Variants in CRTAC1 observed in about 807,000 individuals in gnomAD.
CRTAC1 encodes the protein cartilage acidic protein 1.
In CRTAC1, 37 loss-of-function variants were observed where a neutral mutation model predicts 67.8. The observed-to-expected ratio is 0.55, with a 90% CI of 0.42 to 0.72. The LOEUF is 0.72. Ranked by LOEUF, CRTAC1 falls within the 30% of genes least tolerant of loss-of-function variation. The probability of loss-of-function intolerance (pLI) is 0.00; values close to 1 mark genes in which losing one functional copy is unlikely to be tolerated. For synonymous variants in CRTAC1, 348 were observed against 371.0 expected, an observed-to-expected ratio of 0.94 and a Z score of 0.71; for missense variants, 780 against 931.6, an observed-to-expected ratio of 0.84 and a Z score of 2.12.
At chr10:97,968,333 C>A (rs1418153802) in intron 2 of CRTAC1, among the ~76,000 whole-genome samples, 1 of 152,182 alleles carries the variant, frequency 6.6e-6, no homozygotes, top group Non-Finnish European at 1.5e-5. Flanking sequence ...ACCTCCACCT[C>A]CCAGGTTCAA....
intron 5 of CRTAC1, among the ~76,000 whole-genome samples, chr10:97,915,916 T>A (rs1296178506): frequency 1.3e-5 from 2 of 152,116 alleles, no homozygotes; most frequent in Non-Finnish European, 2.9e-5. Flanking sequence ...GAACTGCCCG[T>A]CCTTCCAGCC....
intron 2 of CRTAC1, among the ~76,000 whole-genome samples, chr10:98,010,899 C>G (rs1313943484): frequency 1.3e-5 from 2 of 152,178 alleles, no homozygotes; most frequent in African/African-American, 4.8e-5. Context: ...GCCTGTGGAT[C>G]AAACACCCTT....
At chr10:97,870,391 AAGAC>A (rs370845926) in intron 14 of CRTAC1, 4 of 152,246 alleles carry the variant, frequency 2.6e-5, no homozygotes, top group East Asian at 1.9e-4. Flanking sequence ...ATGAAACTGA[AAGAC>A]AGGCCAAACT....
At chr10:97,977,390 C>T (rs2051824566) in intron 2 of CRTAC1, among the ~76,000 whole-genome samples, 1 of 152,208 alleles carries the variant, frequency 6.6e-6, no homozygotes, top group Admixed American at 6.5e-5. Flanking sequence ...AATTGCATCT[C>T]AGCGGGTTCT....
chr10:97,891,904 C>T (rs1250801882), intron 11 of CRTAC1, among the ~76,000 whole-genome samples: 1 of 152,248 alleles, frequency 6.6e-6, no homozygotes, highest in Non-Finnish European at 1.5e-5. Flanking sequence ...CCTCGTGACC[C>T]AAGGGCCCTG....
At chr10:97,876,530 C>G (rs1277159512) in intron 14 of CRTAC1, among the ~76,000 whole-genome samples, 1 of 152,126 alleles carries the variant, frequency 6.6e-6, no homozygotes, top group Non-Finnish European at 1.5e-5. Flanking sequence ...CCCACCTTCC[C>G]ACTGGAGTGA....
chr10:97,981,391 C>G (rs1358606463), intron 2 of CRTAC1, among the ~76,000 whole-genome samples: 3 of 152,154 alleles, frequency 2.0e-5, no homozygotes. Flanking sequence ...TCTGCTGTAT[C>G]AAGTTTTATA....
chr10:97,996,423 G>T (rs1842571110), intron 2 of CRTAC1, among the ~76,000 whole-genome samples: 1 of 151,882 alleles, frequency 6.6e-6, no homozygotes, highest in Non-Finnish European at 1.5e-5. Flanking sequence ...AGTGGGCAAA[G>T]GACGTGAACA....
At chr10:97,944,854 T>C (rs995550245) in intron 2 of CRTAC1, among the ~76,000 whole-genome samples, 6 of 152,168 alleles carry the variant, frequency 3.9e-5, no homozygotes, top group Non-Finnish European at 7.3e-5. Flanking sequence ...GGAGAGGCCA[T>C]GTGAAAGAGC....
intron 11 of CRTAC1, chr10:97,884,625 G>A (rs370047954): frequency 2.5e-6 from 1 of 401,124 alleles, no homozygotes; most frequent in African/African-American, 2.0e-5. Flanking sequence ...AGCACTTGAA[G>A]TGGGACTCAC....
intron 2 of CRTAC1, among the ~76,000 whole-genome samples, chr10:97,995,340 C>T (rs889291815): frequency 1.3e-5 from 2 of 152,156 alleles, no homozygotes; most frequent in Non-Finnish European, 2.9e-5. Flanking sequence ...CTGTCTTATA[C>T]CCAAGACTTC....
chr10:97,915,365 C>T (rs556082564), intron 5 of CRTAC1, among the ~76,000 whole-genome samples: 2 of 152,346 alleles, frequency 1.3e-5, no homozygotes, highest in Non-Finnish European at 2.9e-5. Flanking sequence ...GGATCTCCGT[C>T]TGTTCTTTGT....
chr10:97,878,434 C>T lies in CRTAC1; in HGVS notation c.1819+1815G>A, dbSNP rs878858307. Reference sequence around the variant, plus strand: ...TTTATTAGGAGTATTACCATGATATCAGAAAATGGCAGGGGCTTTTTTTTT... The same window carrying T: ...TTTATTAGGAGTATTACCATGATATTAGAAAATGGCAGGGGCTTTTTTTTT... On this transcript the variant is annotated intron_variant, in intron 14 of 14. Coordinates refer to ENST00000370597, the MANE Select transcript of CRTAC1 (RefSeq NM_018058.7). 4.3e-5 allele frequency: 13 copies of T among 299,150 alleles called. No individual in the cohort carries two copies. The South Asian group carries it at 5.4e-4, about 12-fold the overall frequency. 18.5% of individuals were successfully genotyped at this position (299,150 alleles called of 1,614,324 possible).
chr10:97,906,670 C>T (rs575497497), intron 6 of CRTAC1, among the ~76,000 whole-genome samples: 8 of 152,196 alleles, frequency 5.3e-5, no homozygotes, highest in African/African-American at 1.9e-4. Context: ...AGGGGTGAGC[C>T]AGGTGGGAGG....
chr10:97,996,933 T>C (rs1842585646), intron 2 of CRTAC1, among the ~76,000 whole-genome samples: 1 of 151,896 alleles, frequency 6.6e-6, no homozygotes, highest in Non-Finnish European at 1.5e-5. Flanking sequence ...ATGTCCTTTG[T>C]AGGGACATGG....
At chr10:98,005,380 C>T (rs1278239337) in intron 2 of CRTAC1, among the ~76,000 whole-genome samples, 1 of 150,624 alleles carries the variant, frequency 6.6e-6, no homozygotes, top group African/African-American at 2.4e-5. Context: ...GCTGGGATTA[C>T]AGGCGTGAGC....
chr10:98,003,611 T>C (rs56001076), intron 2 of CRTAC1, among the ~76,000 whole-genome samples: 1 of 152,370 alleles, frequency 6.6e-6, no homozygotes, highest in Non-Finnish European at 1.5e-5. Flanking sequence ...CCTACTCAGA[T>C]AATCCAGAAT....
chr10:97,867,743 C>T (rs2050045605), intron 14 of CRTAC1: 1 of 151,596 alleles, frequency 6.6e-6, no homozygotes, highest in Non-Finnish European at 1.5e-5. Flanking sequence ...ACTTGCCCAG[C>T]GTGAAGCTCT....
At chr10:98,016,592 G>A (rs775520308) in intron 1 of CRTAC1, among the ~76,000 whole-genome samples, 6 of 152,150 alleles carry the variant, frequency 3.9e-5, no homozygotes, top group Admixed American at 1.3e-4. Context: ...CTGCCCAACA[G>A]AACCACCTCG....
Sources: gnomAD v4.1 joint callset for allele counts (sites outside exome capture counted in the v4.1 genomes callset) on GRCh38, gnomAD v4.1.1 for gene constraint, MANE v1.5 for transcripts, NCBI Gene and HGNC (gene_info 2026-07-23, HGNC 2026-07-21) for gene names.